Variants in TTLL5 observed in about 807,000 individuals in gnomAD.
TTLL5 encodes the protein tubulin polyglutamylase TTLL5.
In TTLL5, 132 loss-of-function variants were observed where a neutral mutation model predicts 168.4. That is an observed-to-expected ratio of 0.78 (90% CI 0.68 to 0.91). The LOEUF (loss-of-function observed/expected upper bound fraction) is 0.91. Among genes scored for constraint, TTLL5 ranks in the 40% least tolerant of loss-of-function variants. The probability of loss-of-function intolerance (pLI) is 0.00; values close to 1 mark genes in which losing one functional copy is unlikely to be tolerated. For missense variants in TTLL5, 1,545 were observed against 1,581.5 expected (o/e 0.98, Z 0.39); for synonymous variants, 546 against 558.6 (o/e 0.98, Z 0.32).
chr14:75,945,752 C>G lies in TTLL5; in HGVS notation c.3824-8672C>G, dbSNP rs191484013. ...GATAATGGCTAAAAATTTTCCACAACTAGTGAAAGATACACATATTGCAGT... is the reference window on the plus strand; with the variant it reads ...GATAATGGCTAAAAATTTTCCACAAGTAGTGAAAGATACACATATTGCAGT... On this transcript the variant is annotated intron_variant, in intron 31 of 31. Transcript: ENST00000298832. Among the ~76,000 whole-genome samples, 1,480 of 152,202 alleles carry G rather than the reference C, an allele frequency of 9.7e-3. 20 individuals carry two copies. Among genetic ancestry groups the G allele is most frequent in the Non-Finnish European group, 0.012 (842 of 68,022 alleles).
rs755636379 is a variant in TTLL5, at chr14:75,669,539, CCA to C, written c.181+20_181+21del. On this transcript the variant is annotated intron_variant, in intron 3 of 31. Coordinates refer to ENST00000298832, the MANE Select transcript of TTLL5 (RefSeq NM_015072.5). ...TAATTGGAGGTGCGTATAACCTCTC[CCA>C]CAGAGGACGGAGCTGGGCATGGCCC... is the stretch of plus-strand genomic sequence containing the variant. The C allele has an allele frequency of 6.8e-6, 11 of 1,607,078 alleles. No homozygotes were observed. In the South Asian group the frequency reaches 1.2e-4, roughly 18 times the overall value.
intron 29 of TTLL5, among the ~76,000 whole-genome samples, chr14:75,870,400 G>A (rs61673167): frequency 0.032 from 4,800 of 151,882 alleles, 236 homozygotes; most frequent in African/African-American, 0.11. Flanking sequence ...GAGCCACCAC[G>A]CCCGGCCTCT....
chr14:75,951,047 T>A (rs1176326069), intron 31 of TTLL5, among the ~76,000 whole-genome samples: 2 of 151,960 alleles, frequency 1.3e-5, no homozygotes, highest in South Asian at 2.1e-4. Context: ...TAATATTTTT[T>A]AAAAACCTTA....
intron 31 of TTLL5, among the ~76,000 whole-genome samples, chr14:75,905,638 CCCAAAG>C (rs1305608828): frequency 6.6e-6 from 1 of 152,180 alleles, no homozygotes; most frequent in Admixed American, 6.5e-5. Flanking sequence ...GAGCTCTTGG[CCCAAAG>C]CCAAAGTCGT....
chr14:75,890,253 A>G (rs1220564004), intron 30 of TTLL5, among the ~76,000 whole-genome samples: 2 of 152,340 alleles, frequency 1.3e-5, no homozygotes, highest in Non-Finnish European at 2.9e-5. Context: ...TGAAGTTAGA[A>G]AAGGAACCAT....
At chr14:75,701,410 A>G (rs1447187562) in intron 7 of TTLL5, among the ~76,000 whole-genome samples, 2 of 152,176 alleles carry the variant, frequency 1.3e-5, no homozygotes, top group Non-Finnish European at 2.9e-5. Flanking sequence ...CTGGGTTTCT[A>G]CTGTGGTTGT....
chr14:75,779,342 A>G (rs1294582297), intron 23 of TTLL5, among the ~76,000 whole-genome samples: 6 of 152,192 alleles, frequency 3.9e-5, no homozygotes, highest in African/African-American at 1.2e-4. Flanking sequence ...TCGCTACCAT[A>G]TTAGACAGTG....
chr14:75,789,789 C>T lies in TTLL5; in HGVS notation c.2987-3127C>T, dbSNP rs548791367. Among the ~76,000 whole-genome samples, 29 of 152,304 alleles carry T rather than the reference C, an allele frequency of 1.9e-4. No individual in the cohort carries two copies. The South Asian group carries it at 4.8e-3, about 25-fold the overall frequency. On this transcript the variant is annotated intron_variant, in intron 26 of 31. Coordinates refer to ENST00000298832, the MANE Select transcript of TTLL5 (RefSeq NM_015072.5). ...TCAATATCATCAAAGTTTCCATTTT[C>T]ATCACATTGATCTCTGTATTCAATA...
chr14:75,667,751 G>GTTTTTTTTTTT (rs67181555), intron 2 of TTLL5, among the ~76,000 whole-genome samples: 74 of 89,084 alleles, frequency 8.3e-4, no homozygotes, highest in East Asian at 1.1e-3. Flanking sequence ...ATCTTTTTAT[G>GTTTTTTTTTTT]TTTTTTTTTT....
chr14:75,925,731 A>G (rs190586154), intron 31 of TTLL5, among the ~76,000 whole-genome samples: 1,747 of 152,012 alleles, frequency 0.011, 66 homozygotes, highest in African/African-American at 0.041. Flanking sequence ...GCAAGCCGAG[A>G]TCACGCCACT....
intron 30 of TTLL5, chr14:75,886,900 G>T (rs2032155312): frequency 1.4e-6 from 2 of 1,463,698 alleles, no homozygotes; most frequent in Non-Finnish European, 1.8e-6. Context: ...AGGCACAAGG[G>T]CAAAACTCAG....
At chr14:75,805,539 C>T (rs191764960) in intron 27 of TTLL5, among the ~76,000 whole-genome samples, 1 of 151,858 alleles carries the variant, frequency 6.6e-6, no homozygotes, top group East Asian at 1.9e-4. Context: ...TGATTTCATC[C>T]TGGTACTTCT....
At chr14:75,802,891 A>G (rs1241555447) in intron 27 of TTLL5, among the ~76,000 whole-genome samples, 1 of 152,236 alleles carries the variant, frequency 6.6e-6, no homozygotes, top group Non-Finnish European at 1.5e-5. Flanking sequence ...AATCTTAAAG[A>G]TAGGCAGGTA....
chr14:75,843,978 C>T (rs1896402142), intron 28 of TTLL5, among the ~76,000 whole-genome samples: 1 of 151,588 alleles, frequency 6.6e-6, no homozygotes, highest in Admixed American at 6.6e-5. Context: ...ACTGCAACCA[C>T]ACCTCCCAAG....
chr14:75,751,253 T>G (rs547654073), intron 17 of TTLL5, among the ~76,000 whole-genome samples: 5 of 152,338 alleles, frequency 3.3e-5, no homozygotes, highest in Non-Finnish European at 5.9e-5. Context: ...TTCTTCACGA[T>G]GTCATGGATA....
At chr14:75,722,349 G>C (rs1887894650) in intron 12 of TTLL5, among the ~76,000 whole-genome samples, 1 of 152,064 alleles carries the variant, frequency 6.6e-6, no homozygotes. Context: ...GGGCCCAAGT[G>C]ATCCTCCCAC....
At chr14:75,736,376 T>C (rs931037426) in intron 15 of TTLL5, among the ~76,000 whole-genome samples, 5 of 150,706 alleles carry the variant, frequency 3.3e-5, no homozygotes, top group Non-Finnish European at 7.3e-5. Context: ...ATCCATATAC[T>C]ATTATTTATT....
rs762887775 is a variant in TTLL5 at position 75,782,486 on chromosome 14, G to T, written c.2516-1G>T. On this transcript the variant is annotated splice_acceptor_variant, in intron 24 of 31. Transcript: ENST00000298832. LOFTEE classifies it high-confidence loss of function. ...TCCAAGCTCATTATTTCTTATTTCA[G>T]ATCACCCTGAGACTATAATGGAAGA... The T allele has an allele frequency of 6.2e-7, 1 of 1,611,102 alleles. No individual in the cohort carries two copies. The highest frequency in any genetic ancestry group is 1.3e-5 in the African/African-American group (1 of 74,920).
At chr14:75,753,242 C>G (rs1315138969) in intron 18 of TTLL5, among the ~76,000 whole-genome samples, 1 of 152,064 alleles carries the variant, frequency 6.6e-6, no homozygotes, top group African/African-American at 2.4e-5. Context: ...TTACTTAGTG[C>G]CATTATATTT....
Sources: gnomAD v4.1 joint callset for allele counts (sites outside exome capture counted in the v4.1 genomes callset) on GRCh38, gnomAD v4.1.1 for gene constraint, MANE v1.5 for transcripts, NCBI Gene and HGNC (gene_info 2026-07-23, HGNC 2026-07-21) for gene names.